ALDH1L2: variants seen among roughly 807,000 people sequenced by gnomAD.
ALDH1L2 encodes the protein mitochondrial 10-formyltetrahydrofolate dehydrogenase.
ALDH1L2 carries 91 observed loss-of-function variants against 111.0 expected under a neutral mutation model. The ratio of observed to expected loss-of-function variants is 0.82; its 90% CI spans 0.69 to 0.98. The LOEUF is 0.98. Among genes scored for constraint, ALDH1L2 ranks in the 50% least tolerant of loss-of-function variants. The pLI, the probability that ALDH1L2 is intolerant of heterozygous loss-of-function variation, is 0.00. For missense variants in ALDH1L2, 995 were observed against 1,126.8 expected, an observed-to-expected ratio of 0.88 and a Z score of 1.67; for synonymous variants, 374 against 392.6, an observed-to-expected ratio of 0.95 and a Z score of 0.56.
chr12:105,054,068 ATAATAATAATGGAGG>A (rs970479344), intron 10 of ALDH1L2, among the ~76,000 whole-genome samples: 5 of 152,238 alleles, frequency 3.3e-5, no homozygotes, highest in Admixed American at 6.5e-5. Context: ...AATGGAGGAA[ATAATAATAATGGAGG>A]TAATAATAAT....
Position 105,034,318 on chromosome 12 carries a change from G to A in ALDH1L2, c.2226C>T (p.Asp742=), listed in dbSNP as rs781613297. The stretch of plus-strand genomic sequence containing the variant: ...GCCTCACCACTCTTGTCACAAATTC[G>A]TCGTGGATGGATTCTTCCACGAACA... The part of the protein sequence containing the change: ...GRLFVEESIH[D]EFVTRVVEEI... Residue 742 remains aspartate, a synonymous_variant, in exon 19 of 23, where the codon GAC becomes GAT. Coordinates refer to ENST00000258494, the MANE Select transcript of ALDH1L2 (RefSeq NM_001034173.4). 12 of 1,613,696 alleles carry A rather than the reference G, an allele frequency of 7.4e-6. No homozygotes were observed. The highest frequency in any genetic ancestry group is 4.0e-5 in the African/African-American group (3 of 74,864).
chr12:105,056,196 T>G (rs553348826), intron 10 of ALDH1L2, among the ~76,000 whole-genome samples: 2 of 152,170 alleles, frequency 1.3e-5, no homozygotes, highest in Non-Finnish European at 2.9e-5. Context: ...AAAAGAGTCC[T>G]TAATAAAATT....
intron 1 of ALDH1L2, among the ~76,000 whole-genome samples, chr12:105,080,704 G>C (rs796301860): frequency 2.6e-5 from 4 of 152,276 alleles, no homozygotes; most frequent in African/African-American, 9.6e-5. Context: ...TACCATTGGA[G>C]CATCCCAAAT....
At chr12:105,026,198 T>C (rs371508560) in intron 22 of ALDH1L2, among the ~76,000 whole-genome samples, 1 of 152,310 alleles carries the variant, frequency 6.6e-6, no homozygotes, top group African/African-American at 2.4e-5. Flanking sequence ...TTTGCCTCTC[T>C]TGGTTCCATT....
At chr12:105,034,482 G>T in intron 18 of ALDH1L2, 84 bp from the exon 19 acceptor site, 1 of 1,227,088 alleles carries the variant, frequency 8.1e-7, no homozygotes, top group Non-Finnish European at 1.2e-6. Flanking sequence ...GGAGTTAGTT[G>T]TTTTTGGAAG....
Position 105,058,204 on chromosome 12 carries a change from T to C in ALDH1L2, c.1156A>G (p.Arg386Gly). 4 of 1,609,652 alleles carry C rather than the reference T, an allele frequency of 2.5e-6. No individual in the cohort carries two copies. Among genetic ancestry groups the C allele is most frequent in the Non-Finnish European group, 3.4e-6 (4 of 1,178,532 alleles). ...MDVARLVEEI[R>G]QKCGGLQLQN... ...AACTGAAGCCCACCACATTTCTGTCTGATCTCTTCAACCAGCCTTAAAGTA... is the reference window on the plus strand; with the variant it reads ...AACTGAAGCCCACCACATTTCTGTCCGATCTCTTCAACCAGCCTTAAAGTA... Residue 386 changes from arginine (R) to glycine (G), a missense_variant, in exon 10 of 23, where the codon AGA becomes GGA. Transcript: ENST00000258494.
intron 20 of ALDH1L2, among the ~76,000 whole-genome samples, chr12:105,031,503 C>CA (rs1228815752): frequency 6.6e-6 from 1 of 152,070 alleles, no homozygotes; most frequent in African/African-American, 2.4e-5. Flanking sequence ...TTGTTTGAGA[C>CA]AGAGTCTCAG....
At chr12:105,048,023 G>GT (rs1188334506) in intron 13 of ALDH1L2, 11 of 152,268 alleles carry the variant, frequency 7.2e-5, no homozygotes, top group African/African-American at 2.6e-4. Flanking sequence ...CAATTTTCAG[G>GT]TTTCAGAACT....
chr12:105,042,220 A>G (rs1030397992), intron 15 of ALDH1L2, among the ~76,000 whole-genome samples: 1 of 152,196 alleles, frequency 6.6e-6, no homozygotes, highest in Non-Finnish European at 1.5e-5. Flanking sequence ...GGTCGATTCT[A>G]TCCTTCTGCC....
intron 18 of ALDH1L2, among the ~76,000 whole-genome samples, chr12:105,036,203 C>T (rs1282301208): frequency 3.0e-5 from 1 of 33,538 alleles, no homozygotes; most frequent in Non-Finnish European, 4.2e-5. Context: ...AATATATACA[C>T]GTATATTTAT....
intron 22 of ALDH1L2, among the ~76,000 whole-genome samples, chr12:105,025,275 A>G (rs527356048): frequency 6.6e-5 from 10 of 152,322 alleles, no homozygotes; most frequent in Admixed American, 1.3e-4. Flanking sequence ...TTAGATCAGT[A>G]TCTGTATTTT....
intron 4 of ALDH1L2, among the ~76,000 whole-genome samples, chr12:105,068,098 G>A (rs907528813): frequency 6.6e-6 from 1 of 152,140 alleles, no homozygotes; most frequent in African/African-American, 2.4e-5. Context: ...TACAAGCAAA[G>A]CACTGCTTTC....
In ALDH1L2 at chr12:105,030,413, C is replaced by G. The variant is rs745833467; in HGVS notation, c.2427G>C (p.Pro809=). The G allele has an allele frequency of 1.2e-6, 2 of 1,605,194 alleles. No homozygotes were observed. Among genetic ancestry groups the G allele is most frequent in the Non-Finnish European group, 1.7e-6 (2 of 1,175,296 alleles). ...QVQRPGFFME[P]TVFTDVEDYM... ...AGTCTTCCACATCTGTGAACACGGT[C>G]GGCTCCATGAAAAAGCCTTTTTGGA... is the stretch of plus-strand genomic sequence containing the variant. The change falls in exon 21 of 23, where the codon CCG becomes CCC. Residue 809 remains proline, a synonymous_variant. Transcript: ENST00000258494.
intron 1 of ALDH1L2, among the ~76,000 whole-genome samples, chr12:105,082,436 T>C (rs1878375721): frequency 6.6e-6 from 1 of 152,252 alleles, no homozygotes; most frequent in Non-Finnish European, 1.5e-5. Flanking sequence ...AAATGTCAGA[T>C]AAATGAAATC....
At chr12:105,026,483 A>G in intron 22 of ALDH1L2, 62 bp downstream of exon 22, 1 of 1,583,412 alleles carries the variant, frequency 6.3e-7, no homozygotes, top group Non-Finnish European at 8.6e-7. Context: ...CATGAAACAT[A>G]GAGCAGATTT....
At chr12:105,052,324 AAG>A in intron 11 of ALDH1L2, 107 bp from the exon 12 acceptor site, 13 of 1,172,606 alleles carry the variant, frequency 1.1e-5, no homozygotes, top group Non-Finnish European at 1.5e-5. Flanking sequence ...ATTTTAAAAA[AAG>A]TTATGATAAG....
At chr12:105,049,113 G>A (rs1288521311) in intron 13 of ALDH1L2, among the ~76,000 whole-genome samples, 1 of 152,044 alleles carries the variant, frequency 6.6e-6, no homozygotes, top group African/African-American at 2.4e-5. Flanking sequence ...TACTCAGTCT[G>A]CTTCCACCAT....
intron 1 of ALDH1L2, among the ~76,000 whole-genome samples, chr12:105,077,346 C>G (rs1235240410): frequency 6.6e-6 from 1 of 151,814 alleles, no homozygotes; most frequent in African/African-American, 2.4e-5. Context: ...TCTCGGCTCA[C>G]TGCAACCTCC....
intron 18 of ALDH1L2, among the ~76,000 whole-genome samples, chr12:105,036,972 G>A (rs955312171): frequency 6.6e-6 from 1 of 152,020 alleles, no homozygotes; most frequent in Admixed American, 6.6e-5. Context: ...TTCACTCCCA[G>A]ACCACTCCAT....
Sources: gnomAD v4.1 joint callset for allele counts (sites outside exome capture counted in the v4.1 genomes callset) on GRCh38, gnomAD v4.1.1 for gene constraint, MANE v1.5 for transcripts, NCBI Gene and HGNC (gene_info 2026-07-23, HGNC 2026-07-21) for gene names.